The following ST6GAL1 variants were observed in gnomAD, a reference collection of about 807,000 sequenced individuals.
ST6GAL1 encodes beta-galactoside alpha-2,6-sialyltransferase 1.
ST6GAL1 carries 20 observed loss-of-function variants against 38.0 expected under a neutral mutation model. The ratio of observed to expected loss-of-function variants is 0.53; its 90% CI spans 0.37 to 0.77. ST6GAL1 has a LOEUF of 0.77. Ranked by LOEUF, ST6GAL1 falls within the 30% of genes least tolerant of loss-of-function variation. The probability of loss-of-function intolerance (pLI) is 0.00; values close to 1 mark genes in which losing one functional copy is unlikely to be tolerated. For synonymous variants in ST6GAL1, 196 were observed against 188.2 expected, an observed-to-expected ratio of 1.04 and a Z score of -0.34; for missense variants, 432 against 496.4, an observed-to-expected ratio of 0.87 and a Z score of 1.23.
chr3:187,039,150 C>T (rs370970725), intron 3 of ST6GAL1, among the ~76,000 whole-genome samples: 9 of 152,254 alleles, frequency 5.9e-5, no homozygotes, highest in Middle Eastern at 3.4e-3. Context: ...CTACCTGCCA[C>T]GAATGCAACT....
rs1579391831 is a variant in ST6GAL1 at position 187,076,980 on chromosome 3, T to G, written c.*1177T>G. The G allele has an allele frequency of 7.5e-6, 3 of 398,560 alleles. No homozygotes were observed. The highest frequency in any genetic ancestry group is 1.3e-5 in the Non-Finnish European group (3 of 225,996). The allele number at this position is 398,560 out of a possible 1,614,324, so 24.7% of individuals were successfully genotyped here. On this transcript the variant is annotated 3_prime_UTR_variant, in exon 8 of 8. Transcript: ENST00000169298. Reference sequence around the variant, plus strand: ...ATCTTCTCCTAACCACCATCTGTTTTTTTTTTTTAAAGCATTTTTTGCTTT... The same window carrying G: ...ATCTTCTCCTAACCACCATCTGTTTGTTTTTTTTAAAGCATTTTTTGCTTT...
intron 2 of ST6GAL1, among the ~76,000 whole-genome samples, chr3:186,974,530 T>G (rs1403906735): frequency 6.6e-6 from 1 of 152,174 alleles, no homozygotes; most frequent in African/African-American, 2.4e-5. Flanking sequence ...TCAGTGATTT[T>G]TTTTAGTAAA....
At chr3:186,965,251 A>G (rs940318226) in intron 2 of ST6GAL1, among the ~76,000 whole-genome samples, 2 of 152,220 alleles carry the variant, frequency 1.3e-5, no homozygotes, top group Non-Finnish European at 2.9e-5. Context: ...AGCCTCAGCA[A>G]TGCAGGACAT....
chr3:187,039,454 T>C (rs1446584822), intron 3 of ST6GAL1, among the ~76,000 whole-genome samples: 2 of 152,038 alleles, frequency 1.3e-5, no homozygotes, highest in Admixed American at 1.3e-4. Flanking sequence ...AAAGCAAGCA[T>C]TACAAAGCAC....
At chr3:186,999,597 G>A (rs1201153195) in intron 2 of ST6GAL1, among the ~76,000 whole-genome samples, 8 of 151,918 alleles carry the variant, frequency 5.3e-5, no homozygotes, top group South Asian at 2.1e-4. Context: ...TTTTAGTAGA[G>A]ATGGGGTTTC....
At chr3:186,965,718 G>A (rs59274440) in intron 2 of ST6GAL1, among the ~76,000 whole-genome samples, 13,251 of 152,168 alleles carry the variant, frequency 0.087, 737 homozygotes, top group East Asian at 0.15. Context: ...TCCTCACAGA[G>A]CTTACATATA....
intron 1 of ST6GAL1, among the ~76,000 whole-genome samples, chr3:186,934,551 A>T (rs1713873347): frequency 6.6e-6 from 1 of 151,720 alleles, no homozygotes; most frequent in African/African-American, 2.4e-5. Flanking sequence ...ACATAGCGAG[A>T]CCCTGTCTCA....
intron 2 of ST6GAL1, among the ~76,000 whole-genome samples, chr3:187,030,677 G>A (rs1287475620): frequency 6.6e-6 from 1 of 152,102 alleles, no homozygotes; most frequent in Non-Finnish European, 1.5e-5. Flanking sequence ...CAAGTGATCT[G>A]CCCGCCTTGG....
intron 2 of ST6GAL1, among the ~76,000 whole-genome samples, chr3:187,011,365 C>T (rs77139476): frequency 1.9e-3 from 284 of 152,348 alleles, no homozygotes; most frequent in African/African-American, 6.2e-3. Flanking sequence ...AGACAGATCC[C>T]AGATTCAAAT....
intron 2 of ST6GAL1, among the ~76,000 whole-genome samples, chr3:187,020,330 G>C (rs7622548): frequency 0.74 from 113,231 of 152,116 alleles, 42,441 homozygotes; most frequent in East Asian, 0.83. Context: ...AAAACACACC[G>C]TGGTTTCACC....
intron 5 of ST6GAL1, among the ~76,000 whole-genome samples, chr3:187,055,177 A>C (rs891913743): frequency 2.2e-5 from 3 of 138,602 alleles, no homozygotes; most frequent in East Asian, 4.3e-4. Flanking sequence ...CGTCTATTTG[A>C]TTCTTCTCTC....
intron 5 of ST6GAL1, 29 bp from the exon 6 acceptor site, chr3:187,072,820 A>G: frequency 6.3e-7 from 1 of 1,591,184 alleles, no homozygotes; most frequent in South Asian, 1.1e-5. Flanking sequence ...TGAATGTTCA[A>G]GCGACAGCTT....
chr3:186,952,885 C>G lies in ST6GAL1; in HGVS notation c.-324-10900C>G, dbSNP rs144394704. On this transcript the variant is annotated intron_variant, in intron 1 of 7. Transcript: ENST00000169298. The surrounding 1 kb of genome is among the most constrained non-coding windows in gnomAD (Gnocchi z 4.1). ...TGCTTTTCTCCCTAAAAGAGCCATC[C>G]TCATTTCAGTGGACAACAATTTCAT... 6.6e-6 allele frequency among the ~76,000 whole-genome samples: 1 copy of G among 152,192 alleles called. No homozygotes were observed. Among genetic ancestry groups the G allele is most frequent in the East Asian group, 1.9e-4 (1 of 5,202 alleles).
At chr3:187,062,465 G>T (rs1006959636) in intron 5 of ST6GAL1, among the ~76,000 whole-genome samples, 20 of 151,996 alleles carry the variant, frequency 1.3e-4, no homozygotes, top group African/African-American at 4.8e-4. Flanking sequence ...ATACACAAAA[G>T]CTGGTTTATA....
intron 2 of ST6GAL1, among the ~76,000 whole-genome samples, chr3:186,998,325 T>C (rs1304688799): frequency 6.6e-6 from 1 of 152,196 alleles, no homozygotes; most frequent in East Asian, 1.9e-4. Flanking sequence ...ACTGATAACA[T>C]AAAAAACTGA....
intron 2 of ST6GAL1, among the ~76,000 whole-genome samples, chr3:187,017,754 G>T (rs1466971542): frequency 1.3e-5 from 2 of 152,164 alleles, no homozygotes; most frequent in Non-Finnish European, 2.9e-5. Context: ...TGCCCAGATT[G>T]ATAACACGAA....
intron 5 of ST6GAL1, among the ~76,000 whole-genome samples, chr3:187,064,343 C>T (rs570181199): frequency 6.6e-6 from 1 of 152,242 alleles, no homozygotes; most frequent in South Asian, 2.1e-4. Flanking sequence ...GGGGAGAAAT[C>T]AATTGAAACT....
At chr3:187,058,029 T>C (rs566043140) in intron 5 of ST6GAL1, among the ~76,000 whole-genome samples, 1 of 152,322 alleles carries the variant, frequency 6.6e-6, no homozygotes, top group Admixed American at 6.5e-5. Flanking sequence ...GCCAGGCTGC[T>C]GTCTTGCAGG....
At chr3:187,067,428 T>C (rs1036135561) in intron 5 of ST6GAL1, among the ~76,000 whole-genome samples, 2 of 149,008 alleles carry the variant, frequency 1.3e-5, no homozygotes, top group African/African-American at 5.0e-5. Context: ...TAGAAAATCT[T>C]TGAACTTCAT....
Sources: gnomAD v4.1 joint callset for allele counts (sites outside exome capture counted in the v4.1 genomes callset) on GRCh38, gnomAD v4.1.1 for gene constraint, Gnocchi (gnomAD v3.1) non-coding constraint, MANE v1.5 for transcripts, NCBI Gene and HGNC (gene_info 2026-07-23, HGNC 2026-07-21) for gene names.